The following KSR2 variants were observed in gnomAD, a reference collection of about 807,000 sequenced individuals.
The protein encoded by KSR2 is kinase suppressor of ras 2.
A neutral mutation model predicts 107.8 loss-of-function variants in KSR2; 25 were observed. The ratio of observed to expected loss-of-function variants is 0.23; its 90% confidence interval spans 0.17 to 0.32. KSR2 has a LOEUF of 0.32. Ranked by LOEUF, KSR2 falls within the 10% of genes least tolerant of loss-of-function variation. KSR2 has a pLI of 1.00. For synonymous variants in KSR2, 480 were observed against 507.0 expected (o/e 0.95, Z 0.71); for missense variants, 887 against 1,268.9 (o/e 0.70, Z 4.57).
At chr12:117,535,867 A>G (rs1424641292) in intron 10 of KSR2, among the ~76,000 whole-genome samples, 2 of 152,090 alleles carry the variant, frequency 1.3e-5, no homozygotes, top group Admixed American at 6.5e-5. Flanking sequence ...AAGCAATACC[A>G]TGCTCAAAAT....
chr12:117,533,853 G>A (rs970130163), intron 10 of KSR2, among the ~76,000 whole-genome samples: 3 of 152,134 alleles, frequency 2.0e-5, no homozygotes, highest in African/African-American at 4.8e-5. Context: ...CTCCACACCC[G>A]AAGCCAACGC....
intron 1 of KSR2, among the ~76,000 whole-genome samples, chr12:117,884,312 C>CATGAGA (rs927569815): frequency 7.9e-5 from 12 of 152,238 alleles, no homozygotes; most frequent in South Asian, 2.1e-4. Context: ...GAAAAAGGGA[C>CATGAGA]ATGAGAATGA....
At chr12:117,710,113 C>T (rs975689467) in intron 4 of KSR2, among the ~76,000 whole-genome samples, 2 of 152,068 alleles carry the variant, frequency 1.3e-5, no homozygotes, top group Admixed American at 6.6e-5. Flanking sequence ...TTGAATCGAG[C>T]CCTGAATCTG....
chr12:117,954,033 C>A (rs535801087), intron 1 of KSR2, among the ~76,000 whole-genome samples: 1 of 151,676 alleles, frequency 6.6e-6, no homozygotes. Flanking sequence ...AAGGCTCCAG[C>A]AAGCTGTGAT....
intron 5 of KSR2, among the ~76,000 whole-genome samples, chr12:117,645,348 G>A (rs1202464327): frequency 6.6e-6 from 1 of 152,136 alleles, no homozygotes; most frequent in Admixed American, 6.5e-5. Context: ...GCTGAAACCA[G>A]TATGTGGTGG....
intron 5 of KSR2, among the ~76,000 whole-genome samples, chr12:117,590,675 C>T (rs1880266748): frequency 6.6e-6 from 1 of 152,130 alleles, no homozygotes; most frequent in South Asian, 2.1e-4. Context: ...GACCCTCAGG[C>T]CAAATTCAAC....
At chr12:117,515,823 G>A (rs902634782) in intron 14 of KSR2, among the ~76,000 whole-genome samples, 4 of 152,194 alleles carry the variant, frequency 2.6e-5, no homozygotes, top group Non-Finnish European at 5.9e-5. Flanking sequence ...CTGCTGGGGA[G>A]GCTAAGGCAG....
At chr12:117,633,688 T>A (rs1337080148) in intron 5 of KSR2, among the ~76,000 whole-genome samples, 2 of 152,200 alleles carry the variant, frequency 1.3e-5, no homozygotes, top group African/African-American at 4.8e-5. Context: ...TGCAAGGACA[T>A]CAGTCATTGC....
intron 14 of KSR2, among the ~76,000 whole-genome samples, chr12:117,492,697 C>T (rs2137158721): frequency 6.6e-6 from 1 of 152,278 alleles, no homozygotes; most frequent in South Asian, 2.1e-4. Flanking sequence ...ACAGATTATC[C>T]TGGATTAGCC....
intron 3 of KSR2, among the ~76,000 whole-genome samples, chr12:117,761,795 T>C (rs1296045895): frequency 6.6e-6 from 1 of 152,088 alleles, no homozygotes; most frequent in African/African-American, 2.4e-5. Flanking sequence ...GCACATCATA[T>C]CATATGCATG....
intron 9 of KSR2, among the ~76,000 whole-genome samples, chr12:117,544,404 G>C (rs992908384): frequency 6.6e-6 from 1 of 152,094 alleles, no homozygotes; most frequent in Non-Finnish European, 1.5e-5. Flanking sequence ...CAGATCACAA[G>C]GTCAGGAGTT....
intron 3 of KSR2, among the ~76,000 whole-genome samples, chr12:117,822,876 C>A (rs144134312): frequency 1.3e-4 from 20 of 152,116 alleles, no homozygotes; most frequent in South Asian, 1.0e-3. Context: ...AGTCAGGGAC[C>A]GTCTGTGTGT....
intron 5 of KSR2, among the ~76,000 whole-genome samples, chr12:117,600,818 C>T (rs1880897708): frequency 6.6e-6 from 1 of 152,086 alleles, no homozygotes; most frequent in African/African-American, 2.4e-5. Flanking sequence ...CTAGATATCA[C>T]CCTGGGGAGA....
intron 3 of KSR2, among the ~76,000 whole-genome samples, chr12:117,782,221 C>T (rs1337644918): frequency 6.6e-6 from 1 of 152,160 alleles, no homozygotes; most frequent in Non-Finnish European, 1.5e-5. Context: ...AGTAACTCCT[C>T]TCATACTGCA....
intron 14 of KSR2, among the ~76,000 whole-genome samples, chr12:117,523,057 G>A (rs890873162): frequency 1.4e-4 from 21 of 152,304 alleles, no homozygotes; most frequent in Middle Eastern, 3.4e-3. Context: ...GATTTAAGGA[G>A]GCTTGGAGGC....
chr12:117,896,893 C>A (rs1350020509), intron 1 of KSR2, among the ~76,000 whole-genome samples: 1 of 152,112 alleles, frequency 6.6e-6, no homozygotes, highest in South Asian at 2.1e-4. Flanking sequence ...AATGCAGTCT[C>A]CATCTTTATA....
chr12:117,459,596 T>C lies in KSR2; in HGVS notation c.*7603A>G, dbSNP rs942898115. 9 of 152,246 alleles carry C rather than the reference T, an allele frequency of 5.9e-5. No homozygotes were observed. The highest frequency in any genetic ancestry group is 2.2e-4 in the African/African-American group (9 of 41,468). 9.4% of individuals were successfully genotyped at this position (152,246 alleles called of 1,614,324 possible). On this transcript the variant is annotated 3_prime_UTR_variant, in exon 20 of 20. Transcript: ENST00000339824. ...CTAGATCACCATCCCAATGACTTGG[T>C]TGAAGATGAAAACTCAGGTGAAAAC...
At chr12:117,656,840 C>A (rs185901118) in intron 5 of KSR2, among the ~76,000 whole-genome samples, 14 of 151,266 alleles carry the variant, frequency 9.3e-5, no homozygotes, top group African/African-American at 3.4e-4. Context: ...GCTCTCCTTG[C>A]TCCTCAGCTT....
At chr12:117,784,290 T>C (rs1683856489) in intron 3 of KSR2, among the ~76,000 whole-genome samples, 1 of 152,106 alleles carries the variant, frequency 6.6e-6, no homozygotes, top group African/African-American at 2.4e-5. Context: ...AGTGAGTAAG[T>C]CTCACGAGAT....
Sources: allele counts gnomAD v4.1 joint callset (sites outside exome capture counted in the v4.1 genomes callset), GRCh38; gene constraint gnomAD v4.1.1; transcripts MANE v1.5; gene names NCBI Gene and HGNC (gene_info 2026-07-23, HGNC 2026-07-21).